The following EXOC6 variants were observed in gnomAD, a reference collection of about 807,000 sequenced individuals.
EXOC6 encodes SEC15-like 1.
A neutral mutation model predicts 112.5 loss-of-function variants in EXOC6; 60 were observed. That is an observed-to-expected ratio of 0.53 (90% CI 0.43 to 0.66). The LOEUF (loss-of-function observed/expected upper bound fraction) is 0.66. Ranked by LOEUF, EXOC6 falls within the 30% of genes least tolerant of loss-of-function variation. The pLI is 0.00. For missense variants in EXOC6, 855 were observed against 957.1 expected (o/e 0.89, Z 1.41); for synonymous variants, 295 against 308.0 (o/e 0.96, Z 0.44).
Position 93,001,367 on chromosome 10 carries a change from A to G in EXOC6, c.2095+3752A>G, listed in dbSNP as rs1037530257. 9.2e-5 allele frequency among the ~76,000 whole-genome samples: 14 copies of G among 152,320 alleles called. No individual in the cohort carries two copies. In the East Asian group the frequency reaches 1.7e-3, roughly 19 times the overall value. ...TGTCCAGCCATTCCTTGAACATCCA[A>G]TTTGGGAGATTACTCTTCAGAAAAT... On this transcript the variant is annotated intron_variant, in intron 19 of 21. Transcript: ENST00000260762.
intron 18 of EXOC6, among the ~76,000 whole-genome samples, chr10:92,987,419 A>T (rs923405653): frequency 1.3e-5 from 2 of 152,230 alleles, no homozygotes; most frequent in Non-Finnish European, 2.9e-5. Context: ...GTAAAAACTC[A>T]TGCCTAAATC....
At chr10:92,855,967 C>A (rs535960340) in intron 1 of EXOC6, among the ~76,000 whole-genome samples, 1 of 152,038 alleles carries the variant, frequency 6.6e-6, no homozygotes, top group African/African-American at 2.4e-5. Flanking sequence ...TGGGTTCAAG[C>A]GATTCTCCTG....
At chr10:93,029,745 T>C (rs1019559686) in intron 20 of EXOC6, among the ~76,000 whole-genome samples, 1 of 152,190 alleles carries the variant, frequency 6.6e-6, no homozygotes, top group Non-Finnish European at 1.5e-5. Flanking sequence ...TCTTCTGTAA[T>C]TTTATTGTTT....
intron 19 of EXOC6, among the ~76,000 whole-genome samples, chr10:93,010,141 G>A (rs1331065243): frequency 1.3e-5 from 2 of 152,162 alleles, no homozygotes; most frequent in Admixed American, 6.5e-5. Flanking sequence ...TGAATCAATA[G>A]CATATCATTA....
intron 20 of EXOC6, among the ~76,000 whole-genome samples, chr10:93,044,043 G>A (rs749597846): frequency 4.1e-4 from 62 of 152,182 alleles, no homozygotes; most frequent in Admixed American, 1.2e-3. Context: ...GCAAGCATCA[G>A]GCCCCAAAGT....
intron 1 of EXOC6, among the ~76,000 whole-genome samples, chr10:92,883,371 G>C (rs1849056864): frequency 6.6e-6 from 1 of 152,102 alleles, no homozygotes; most frequent in South Asian, 2.1e-4. Context: ...AGAATGTTTA[G>C]TTTGTCAAAA....
chr10:92,911,942 T>C (rs1160876285), intron 6 of EXOC6, among the ~76,000 whole-genome samples: 17 of 47,730 alleles, frequency 3.6e-4, no homozygotes, highest in South Asian at 1.3e-3. Flanking sequence ...TGTGTGCGTG[T>C]GTGTGTGTGT....
intron 17 of EXOC6, among the ~76,000 whole-genome samples, chr10:92,972,229 C>A (rs556637555): frequency 6.6e-6 from 1 of 152,192 alleles, no homozygotes; most frequent in Non-Finnish European, 1.5e-5. Context: ...GGCTAGGGGA[C>A]GTCCCCAAAT....
chr10:92,911,667 A>C (rs1387439876), intron 6 of EXOC6, among the ~76,000 whole-genome samples: 2 of 151,966 alleles, frequency 1.3e-5, no homozygotes, highest in Non-Finnish European at 2.9e-5. Flanking sequence ...AAAAGTTATC[A>C]AGCTCCCTAT....
chr10:92,916,211 C>T (rs1851077445), intron 7 of EXOC6, among the ~76,000 whole-genome samples: 1 of 152,148 alleles, frequency 6.6e-6, no homozygotes, highest in South Asian at 2.1e-4. Context: ...CATGTGAACA[C>T]TTGTCTGTTT....
intron 1 of EXOC6, among the ~76,000 whole-genome samples, chr10:92,887,672 T>C (rs1290038225): frequency 6.6e-6 from 1 of 152,166 alleles, no homozygotes; most frequent in Non-Finnish European, 1.5e-5. Context: ...CCCAAAGTGC[T>C]GGGATTACAG....
At chr10:92,870,451 T>C (rs1234604395) in intron 1 of EXOC6, among the ~76,000 whole-genome samples, 1 of 152,212 alleles carries the variant, frequency 6.6e-6, no homozygotes, top group Non-Finnish European at 1.5e-5. Flanking sequence ...ATTATTGAAA[T>C]AGTCCTGCTT....
intron 1 of EXOC6, among the ~76,000 whole-genome samples, chr10:92,892,221 A>G (rs1039912379): frequency 6.6e-6 from 1 of 152,258 alleles, no homozygotes; most frequent in East Asian, 1.9e-4. Flanking sequence ...AAACAACAAC[A>G]ACAAAAACTT....
At chr10:92,964,483 A>G (rs994610666) in intron 17 of EXOC6, among the ~76,000 whole-genome samples, 2 of 152,178 alleles carry the variant, frequency 1.3e-5, no homozygotes, top group African/African-American at 4.8e-5. Context: ...GAAGTTAACT[A>G]GGGAGGACAC....
At chr10:92,874,054 GAA>G (rs77166885) in intron 1 of EXOC6, among the ~76,000 whole-genome samples, 3 of 113,474 alleles carry the variant, frequency 2.6e-5, no homozygotes, top group African/African-American at 6.5e-5. Context: ...CCATGTCACA[GAA>G]AAAAAAAAAA....
intron 5 of EXOC6, among the ~76,000 whole-genome samples, chr10:92,907,523 A>G (rs1285253407): frequency 6.6e-6 from 1 of 152,158 alleles, no homozygotes; most frequent in African/African-American, 2.4e-5. Context: ...AAGTAAGTTG[A>G]CTGTGTCTGT....
At chr10:92,987,420 T>C (rs932043883) in intron 18 of EXOC6, among the ~76,000 whole-genome samples, 1 of 152,214 alleles carries the variant, frequency 6.6e-6, no homozygotes, top group African/African-American at 2.4e-5. Context: ...TAAAAACTCA[T>C]GCCTAAATCT....
intron 18 of EXOC6, among the ~76,000 whole-genome samples, chr10:92,992,286 T>TTAAA (rs1564892831): frequency 2.4e-4 from 6 of 24,566 alleles, no homozygotes; most frequent in Admixed American, 6.9e-4. Flanking sequence ...AGACTCTGTC[T>TTAAA]CAAAAAAAAA....
At chr10:92,937,674 C>T (rs1852425768) in intron 12 of EXOC6, among the ~76,000 whole-genome samples, 1 of 152,040 alleles carries the variant, frequency 6.6e-6, no homozygotes, top group Non-Finnish European at 1.5e-5. Flanking sequence ...ACTGATCTCG[C>T]TGCAAGAAAA....
Sources: gnomAD v4.1 joint callset for allele counts (sites outside exome capture counted in the v4.1 genomes callset) on GRCh38, gnomAD v4.1.1 for gene constraint, MANE v1.5 for transcripts, NCBI Gene and HGNC (gene_info 2026-07-23, HGNC 2026-07-21) for gene names.